TRHDE: variants seen among roughly 807,000 people sequenced by gnomAD.
TRHDE encodes thyrotropin-releasing hormone-degrading ectoenzyme.
A neutral mutation model predicts 125.7 loss-of-function variants in TRHDE; 72 were observed. That is an observed-to-expected ratio of 0.57 (90% CI 0.47 to 0.70). The LOEUF (loss-of-function observed/expected upper bound fraction) is 0.70. Ranked by LOEUF, TRHDE falls within the 30% of genes least tolerant of loss-of-function variation. The probability of loss-of-function intolerance (pLI) is 0.00; values close to 1 mark genes in which losing one functional copy is unlikely to be tolerated. For missense variants in TRHDE, 1,110 were observed against 1,327.1 expected, an observed-to-expected ratio of 0.84 and a Z score of 2.54; for synonymous variants, 509 against 509.1, an observed-to-expected ratio of 1.00 and a Z score of 0.00.
intron 2 of TRHDE, among the ~76,000 whole-genome samples, chr12:72,168,511 GC>G (rs1416327055): frequency 6.6e-6 from 1 of 152,178 alleles, no homozygotes; most frequent in African/African-American, 2.4e-5. Flanking sequence ...TGCAGAAGAA[GC>G]TTTCTTGATC....
chr12:72,277,567 C>G (rs569397823), intron 1 of TRHDE, among the ~76,000 whole-genome samples: 1 of 152,116 alleles, frequency 6.6e-6, no homozygotes, highest in Non-Finnish European at 1.5e-5. Flanking sequence ...CCTTAATGGA[C>G]TTAGCTCATT....
At position 72,172,347 on chromosome 12, in the gene TRHDE, C is replaced by T. The variant is rs188779647; in HGVS notation, n.279+66595C>T. Among the ~76,000 whole-genome samples the T allele has an allele frequency of 5.9e-5, 9 of 152,290 alleles. No homozygotes were observed. The East Asian group carries it at 1.5e-3, about 26-fold the overall frequency. ...GCCAGATACAATTCTAAGCCTTTCA[C>T]AAGTATTATCTTATTAAATGTCCAA... On this transcript the variant is annotated intron_variant and non_coding_transcript_variant, in intron 2 of 4. Coordinates refer to the TRHDE transcript ENST00000548156.
chr12:72,220,716 C>T (rs573693636), intron 2 of TRHDE, among the ~76,000 whole-genome samples: 6 of 152,174 alleles, frequency 3.9e-5, no homozygotes, highest in Non-Finnish European at 5.9e-5. Context: ...TCTTTGAAGA[C>T]GTTTAACATG....
chr12:72,173,014 A>G (rs1024514772), intron 2 of TRHDE, among the ~76,000 whole-genome samples: 18 of 152,322 alleles, frequency 1.2e-4, no homozygotes, highest in Non-Finnish European at 2.4e-4. Context: ...ACTATTTTTT[A>G]TTAGTGTATT....
intron 2 of TRHDE, among the ~76,000 whole-genome samples, chr12:72,165,277 A>T (rs1876719518): frequency 6.6e-6 from 1 of 152,186 alleles, no homozygotes; most frequent in Admixed American, 6.5e-5. Context: ...TTTTCAGTTC[A>T]CCAATGATCC....
intron 2 of TRHDE, among the ~76,000 whole-genome samples, chr12:72,239,100 G>C (rs777496565): frequency 6.6e-6 from 1 of 152,126 alleles, no homozygotes; most frequent in African/African-American, 2.4e-5. Context: ...GGCGAGAGAT[G>C]GTATCTCATT....
At chr12:72,252,618 T>C (rs1475663135) in intron 2 of TRHDE, among the ~76,000 whole-genome samples, 1 of 152,138 alleles carries the variant, frequency 6.6e-6, no homozygotes, top group Non-Finnish European at 1.5e-5. Context: ...TCTTAGATAT[T>C]CTAAGGTTTG....
At chr12:72,526,513 A>G (rs1565778657) in intron 6 of TRHDE, among the ~76,000 whole-genome samples, 1 of 152,158 alleles carries the variant, frequency 6.6e-6, no homozygotes, top group Admixed American at 6.5e-5. Context: ...ATGACAAGTC[A>G]TAATTCACAA....
intron 6 of TRHDE, among the ~76,000 whole-genome samples, chr12:72,532,116 A>G (rs1868586861): frequency 6.6e-6 from 1 of 152,002 alleles, no homozygotes; most frequent in South Asian, 2.1e-4. Context: ...TAAGTTCTAT[A>G]ATTTTCTCCA....
At chr12:72,224,477 T>C (rs1878083773) in intron 2 of TRHDE, among the ~76,000 whole-genome samples, 1 of 152,116 alleles carries the variant, frequency 6.6e-6, no homozygotes. Context: ...CTAACTGGAC[T>C]TTCGTGACTG....
chr12:72,100,373 A>T (rs1047714563), intron 1 of TRHDE, among the ~76,000 whole-genome samples: 9 of 152,216 alleles, frequency 5.9e-5, no homozygotes, highest in Admixed American at 5.9e-4. Flanking sequence ...GGCCACTAAT[A>T]TGAACTGTCT....
intron 2 of TRHDE, among the ~76,000 whole-genome samples, chr12:72,168,615 A>C (rs543608931): frequency 6.6e-6 from 1 of 152,292 alleles, no homozygotes; most frequent in South Asian, 2.1e-4. Context: ...AGATTTCTAC[A>C]TTGGATCCTG....
intron 3 of TRHDE, among the ~76,000 whole-genome samples, chr12:72,452,678 G>C (rs573772127): frequency 6.6e-6 from 1 of 152,244 alleles, no homozygotes; most frequent in Non-Finnish European, 1.5e-5. Context: ...GAGGTGATTA[G>C]ATCATGGGGG....
At chr12:72,137,305 A>G (rs1384348072) in intron 2 of TRHDE, 2 of 152,192 alleles carry the variant, frequency 1.3e-5, no homozygotes, top group Non-Finnish European at 2.9e-5. Context: ...AATGACCAGA[A>G]CCATAGAGAT....
intron 2 of TRHDE, among the ~76,000 whole-genome samples, chr12:72,149,601 T>C (rs533544841): frequency 1.3e-4 from 20 of 152,148 alleles, no homozygotes; most frequent in African/African-American, 4.3e-4. Context: ...TTTTTTTCCC[T>C]TCAGAATAAA....
At chr12:72,564,474 C>T (rs184242573) in intron 9 of TRHDE, among the ~76,000 whole-genome samples, 12 of 152,092 alleles carry the variant, frequency 7.9e-5, no homozygotes, top group Admixed American at 5.2e-4. Context: ...ATAAAGGACA[C>T]GCAGATGACA....
At chr12:72,170,427 G>T (rs113241493) in intron 2 of TRHDE, among the ~76,000 whole-genome samples, 18 of 152,282 alleles carry the variant, frequency 1.2e-4, no homozygotes, top group African/African-American at 4.1e-4. Flanking sequence ...TATCCCCATG[G>T]TCAGCTGATG....
chr12:72,200,974 G>A (rs1166831384), intron 2 of TRHDE, among the ~76,000 whole-genome samples: 1 of 152,202 alleles, frequency 6.6e-6, no homozygotes, highest in African/African-American at 2.4e-5. Flanking sequence ...GAGTAGGACA[G>A]TGATACAGGA....
At chr12:72,557,973 A>G (rs1427586389) in intron 7 of TRHDE, among the ~76,000 whole-genome samples, 1 of 152,092 alleles carries the variant, frequency 6.6e-6, no homozygotes, top group Admixed American at 6.6e-5. Context: ...ACACACACAC[A>G]CACACATACA....
Sources: allele counts gnomAD v4.1 joint callset (sites outside exome capture counted in the v4.1 genomes callset), GRCh38; gene constraint gnomAD v4.1.1; transcripts MANE v1.5; gene names NCBI Gene and HGNC (gene_info 2026-07-23, HGNC 2026-07-21).